Variants in ABCC8 observed in about 807,000 individuals in gnomAD.
ABCC8 encodes the protein ATP-binding cassette sub-family C member 8.
A neutral mutation model predicts 188.0 loss-of-function variants in ABCC8; 137 were observed. The observed-to-expected ratio is 0.73, with a 90% confidence interval of 0.63 to 0.84. The LOEUF (loss-of-function observed/expected upper bound fraction) is 0.84. Ranked by LOEUF, ABCC8 falls within the 40% of genes least tolerant of loss-of-function variation. The pLI is 0.00. For synonymous variants in ABCC8, 797 were observed against 846.5 expected (o/e 0.94, Z 1.01); for missense variants, 1,750 against 2,072.7 (o/e 0.84, Z 3.02).
At chr11:17,394,451 A>T in intron 36 of ABCC8, 52 bp from the exon 37 acceptor site, 1 of 1,613,580 alleles carries the variant, frequency 6.2e-7, no homozygotes, top group Non-Finnish European at 8.5e-7. Flanking sequence ...TTGTGCTGTG[A>T]GTGGAGCAGA....
chr11:17,432,434 G>T, intron 10 of ABCC8, 190 bp from the exon 11 acceptor site: 1 of 1,276,798 alleles, frequency 7.8e-7, no homozygotes, highest in Non-Finnish European at 1.1e-6. Context: ...CAGGACTCTT[G>T]TCCCAGGTAC....
intron 2 of ABCC8, among the ~76,000 whole-genome samples, chr11:17,471,175 C>A (rs1848457321): frequency 6.6e-6 from 1 of 152,198 alleles, no homozygotes; most frequent in Admixed American, 6.5e-5. Flanking sequence ...TGCCAAGGGT[C>A]CCTGCCCTTG....
At chr11:17,400,722 G>A (rs971530030) in intron 29 of ABCC8, among the ~76,000 whole-genome samples, 4 of 152,208 alleles carry the variant, frequency 2.6e-5, no homozygotes, top group South Asian at 2.1e-4. Flanking sequence ...GCCAGCCCCC[G>A]CAGTCTGTGT....
chr11:17,414,635 G>T lies in ABCC8; in HGVS notation c.2292-25C>A, dbSNP rs564105137. On this transcript the variant is annotated intron_variant, in intron 18 of 38. Coordinates refer to ENST00000389817, the MANE Select transcript of ABCC8 (RefSeq NM_000352.6). Reference sequence around the variant, plus strand: ...CCTGGAAAAAGCAGGGCGGGAGTAGGGGGTGCGGAAGGCATTCTCAGGGGC... The same window carrying T: ...CCTGGAAAAAGCAGGGCGGGAGTAGTGGGTGCGGAAGGCATTCTCAGGGGC... 8.2e-5 allele frequency: 132 copies of T among 1,613,862 alleles called. No individual in the cohort carries two copies. The South Asian group carries it at 1.4e-3, about 17-fold the overall frequency.
At chr11:17,464,951 T>G (rs1848058466) in intron 3 of ABCC8, among the ~76,000 whole-genome samples, 1 of 152,172 alleles carries the variant, frequency 6.6e-6, no homozygotes, top group African/African-American at 2.4e-5. Context: ...TGCCAGAGCA[T>G]CTCTTGGGCA....
rs1032376777 is a variant in ABCC8, at chr11:17,461,617, T to C, written c.788A>G (p.Tyr263Cys). 2 of 1,614,200 alleles carry C rather than the reference T, an allele frequency of 1.2e-6. No homozygotes were observed. The highest frequency in any genetic ancestry group is 1.7e-6 in the Non-Finnish European group (2 of 1,180,024). The change falls in exon 5 of 39, where the codon TAC becomes TGC. Residue 263 changes from tyrosine to cysteine, a missense_variant. Coordinates refer to ENST00000389817, the MANE Select transcript of ABCC8 (RefSeq NM_000352.6). Reference sequence around the variant, plus strand: ...GTCAAAGGCCTCGCAGAGCCGTTGGTAGTTGGTGAGGGCCCTCATGGCGAT... The same window carrying C: ...GTCAAAGGCCTCGCAGAGCCGTTGGCAGTTGGTGAGGGCCCTCATGGCGAT... ...LPIAMRALTN[Y>C]QRLCEAFDAQ...
chr11:17,423,789 C>T (rs980564930), intron 16 of ABCC8, among the ~76,000 whole-genome samples: 1 of 152,206 alleles, frequency 6.6e-6, no homozygotes, highest in Non-Finnish European at 1.5e-5. Flanking sequence ...GGCTGCTGGC[C>T]TTTGGACTGT....
chr11:17,432,297 A>G, intron 10 of ABCC8, 53 bp from the exon 11 acceptor site: 4 of 1,551,684 alleles, frequency 2.6e-6, no homozygotes, highest in Non-Finnish European at 3.5e-6. Context: ...ACAGCTACAC[A>G]TGGAGATGCC....
intron 4 of ABCC8, among the ~76,000 whole-genome samples, chr11:17,462,944 G>A (rs1847914792): frequency 6.6e-6 from 1 of 152,188 alleles, no homozygotes; most frequent in South Asian, 2.1e-4. Context: ...GCATGGGAAA[G>A]ACAAACGAGT....
At chr11:17,443,437 T>C in intron 8 of ABCC8, 125 bp from the exon 9 acceptor site, 1 of 1,541,540 alleles carries the variant, frequency 6.5e-7, no homozygotes, top group South Asian at 1.2e-5. Flanking sequence ...GGTTTCCAAA[T>C]TATCTTGGGG....
chr11:17,413,247 G>T (rs1954901910), intron 20 of ABCC8, 147 bp downstream of exon 20: 1 of 1,287,020 alleles, frequency 7.8e-7, no homozygotes, highest in Admixed American at 1.9e-5. Context: ...ACATCATCAA[G>T]AACAACATGT....
intron 16 of ABCC8, among the ~76,000 whole-genome samples, chr11:17,417,222 C>T (rs980642260): frequency 2.6e-5 from 4 of 152,160 alleles, no homozygotes; most frequent in Non-Finnish European, 5.9e-5. Context: ...GTGAGGCTGG[C>T]TGGGCATCAG....
Position 17,407,391 on chromosome 11 carries a change from C to T in ABCC8, c.2883G>A (p.Ser961=), listed in dbSNP as rs556416269. The T allele has an allele frequency of 1.8e-5, 29 of 1,614,196 alleles. No individual in the cohort carries two copies. In the South Asian group the frequency reaches 1.9e-4, roughly 10 times the overall value. ...PPQGLSRAMS[S]RDGLLQDEEE... ...CCTCATCCTGCAGAAGGCCATCCCT[C>T]GAGGACATGGCACGAGATAGGCCCT... Residue 961 remains serine (S), a synonymous_variant, in exon 24 of 39, where the codon TCG becomes TCA. Transcript: ENST00000389817.
chr11:17,411,532 G>C (rs1173741534), intron 21 of ABCC8, among the ~76,000 whole-genome samples: 1 of 152,178 alleles, frequency 6.6e-6, no homozygotes, highest in African/African-American at 2.4e-5. Flanking sequence ...TGTAGGGAGA[G>C]GGGAGGGAAT....
chr11:17,410,452 C>A, intron 22 of ABCC8, 64 bp downstream of exon 22: 1 of 1,570,812 alleles, frequency 6.4e-7, no homozygotes, highest in Non-Finnish European at 8.8e-7. Flanking sequence ...TTGGTTCCTG[C>A]CAAGATGCCT....
chr11:17,396,217 G>A, intron 33 of ABCC8: 1 of 572,282 alleles, frequency 1.7e-6, no homozygotes, highest in East Asian at 3.5e-5. Flanking sequence ...AGGAGAGCTG[G>A]GGGGCAGTGG....
At chr11:17,406,253 AGGCT>A (rs1954514102) in intron 26 of ABCC8, among the ~76,000 whole-genome samples, 2 of 152,164 alleles carry the variant, frequency 1.3e-5, no homozygotes, top group Admixed American at 6.5e-5. Context: ...TCAAAACCTG[AGGCT>A]GGCTGAGGGA....
chr11:17,417,156 T>A, intron 16 of ABCC8, 194 bp from the exon 17 acceptor site: 1 of 783,750 alleles, frequency 1.3e-6, no homozygotes, highest in Non-Finnish European at 1.5e-6. Flanking sequence ...CCTGGATGGG[T>A]ACCCTCCAAA....
At chr11:17,448,232 G>C (rs930990682) in intron 8 of ABCC8, 1 of 421,904 alleles carries the variant, frequency 2.4e-6, no homozygotes, top group African/African-American at 2.0e-5. Context: ...TTACAGGTGT[G>C]AGCCCCTGAA....
Sources: gnomAD v4.1 joint callset for allele counts (sites outside exome capture counted in the v4.1 genomes callset) on GRCh38, gnomAD v4.1.1 for gene constraint, MANE v1.5 for transcripts, NCBI Gene and HGNC (gene_info 2026-07-23, HGNC 2026-07-21) for gene names.